The following SLC44A1 variants were observed in gnomAD, a reference collection of about 807,000 sequenced individuals.
The protein encoded by SLC44A1 is choline transporter-like protein 1.
In SLC44A1, 26 loss-of-function variants were observed where a neutral mutation model predicts 79.3. The observed-to-expected ratio is 0.33, with a 90% CI of 0.24 to 0.46. The LOEUF (loss-of-function observed/expected upper bound fraction) is 0.46. Among genes scored for constraint, SLC44A1 ranks in the 20% least tolerant of loss-of-function variants. SLC44A1 has a pLI of 1.00. For synonymous variants in SLC44A1, 263 were observed against 286.2 expected (o/e 0.92, Z 0.82); for missense variants, 688 against 798.1 (o/e 0.86, Z 1.66).
At chr9:105,282,878 A>T (rs975716657) in intron 1 of SLC44A1, among the ~76,000 whole-genome samples, 1 of 152,154 alleles carries the variant, frequency 6.6e-6, no homozygotes, top group East Asian at 1.9e-4. Context: ...GAATTTGCCA[A>T]GAAGGAGGAT....
chr9:105,310,432 T>A (rs1166928277), intron 3 of SLC44A1, among the ~76,000 whole-genome samples: 1 of 152,194 alleles, frequency 6.6e-6, no homozygotes, highest in Non-Finnish European at 1.5e-5. Context: ...AAAAGGGCTA[T>A]CATTTTGTTT....
At chr9:105,322,391 T>C (rs1365489399) in intron 3 of SLC44A1, among the ~76,000 whole-genome samples, 1 of 152,190 alleles carries the variant, frequency 6.6e-6, no homozygotes, top group Non-Finnish European at 1.5e-5. Context: ...CGGAAGTCTG[T>C]TAATGAGTAG....
chr9:105,371,141 G>A (rs1342248660), intron 12 of SLC44A1, among the ~76,000 whole-genome samples: 2 of 152,192 alleles, frequency 1.3e-5, no homozygotes, highest in Admixed American at 6.5e-5. Flanking sequence ...AGTTGTGGAG[G>A]AAGTTACTAA....
At position 105,391,076 on chromosome 9, in the gene SLC44A1, G is replaced by A. The variant is rs1223000924; in HGVS notation, c.*2020G>A. ...ACATTGGGAACTAAATTTAGAATTG[G>A]CAAAAGTCTAGAAGATGGGTATCAA... is the stretch of plus-strand genomic sequence containing the variant. On this transcript the variant is annotated 3_prime_UTR_variant, in exon 16 of 16. Coordinates refer to ENST00000374720, the MANE Select transcript of SLC44A1 (RefSeq NM_080546.5). The A allele has an allele frequency of 2.0e-6, 2 of 985,690 alleles. No individual in the cohort carries two copies. The highest frequency in any genetic ancestry group is 1.1e-4 in the East Asian group (1 of 8,832). 61.1% of individuals were successfully genotyped at this position (985,690 alleles called of 1,614,324 possible). A position where few individuals can be genotyped will look rare whatever the true frequency, so the allele number is the denominator to read the frequency against.
chr9:105,319,245 A>T (rs1826307298), intron 3 of SLC44A1, among the ~76,000 whole-genome samples: 1 of 152,156 alleles, frequency 6.6e-6, no homozygotes, highest in Non-Finnish European at 1.5e-5. Context: ...ATTATTTGCC[A>T]GGAAGACTTG....
At chr9:105,284,345 A>G (rs752749102) in intron 1 of SLC44A1, among the ~76,000 whole-genome samples, 3 of 151,578 alleles carry the variant, frequency 2.0e-5, no homozygotes, top group South Asian at 2.1e-4. Context: ...GATTATAGGC[A>G]TGAGCCACTG....
At chr9:105,246,963 G>C (rs1222639953) in intron 1 of SLC44A1, among the ~76,000 whole-genome samples, 1 of 152,116 alleles carries the variant, frequency 6.6e-6, no homozygotes, top group Non-Finnish European at 1.5e-5. Flanking sequence ...GCACCCAAGG[G>C]GTGCATTTTT....
chr9:105,359,230 G>T (rs1827710561), intron 7 of SLC44A1, among the ~76,000 whole-genome samples: 1 of 152,124 alleles, frequency 6.6e-6, no homozygotes, highest in Non-Finnish European at 1.5e-5. Context: ...GTACAGAACT[G>T]CTAGTAAGGA....
chr9:105,340,673 A>G (rs1197094040), intron 4 of SLC44A1, among the ~76,000 whole-genome samples: 1 of 152,230 alleles, frequency 6.6e-6, no homozygotes, highest in African/African-American at 2.4e-5. Context: ...GAATGAGAAG[A>G]TAATATAAAT....
intron 3 of SLC44A1, among the ~76,000 whole-genome samples, chr9:105,319,796 G>A (rs946954199): frequency 6.6e-6 from 1 of 151,982 alleles, no homozygotes; most frequent in East Asian, 1.9e-4. Flanking sequence ...TACACACTGG[G>A]GCTCATTAAA....
At chr9:105,292,563 T>G (rs1206402541) in intron 1 of SLC44A1, among the ~76,000 whole-genome samples, 3 of 152,170 alleles carry the variant, frequency 2.0e-5, no homozygotes, top group Non-Finnish European at 2.9e-5. Context: ...CAACCAAGAA[T>G]TTTTAGAATG....
intron 2 of SLC44A1, among the ~76,000 whole-genome samples, chr9:105,305,666 C>T (rs1022690622): frequency 2.6e-5 from 4 of 151,882 alleles, no homozygotes; most frequent in Non-Finnish European, 5.9e-5. Flanking sequence ...TCCTTTTTTC[C>T]CTACCTTTTT....
chr9:105,351,530 CTGAAAGAAAGAAAGAAA>C (rs1827405870), intron 5 of SLC44A1, among the ~76,000 whole-genome samples: 9 of 63,892 alleles, frequency 1.4e-4, no homozygotes, highest in Admixed American at 3.0e-4. Flanking sequence ...AAGACCCTGT[CTGAAAGAAAGAAAGAAA>C]GAAAGAAAGA....
At chr9:105,338,849 T>C (rs569129474) in intron 4 of SLC44A1, among the ~76,000 whole-genome samples, 39 of 152,344 alleles carry the variant, frequency 2.6e-4, no homozygotes, top group Non-Finnish European at 5.1e-4. Flanking sequence ...CTCAAATATA[T>C]AGACCTCAAT....
Position 105,392,539 on chromosome 9 carries a change from G to GT in SLC44A1, c.*3484dup. The GT allele has an allele frequency of 1.0e-6, 1 of 984,912 alleles. No homozygotes were observed. The highest frequency in any genetic ancestry group is 1.2e-6 in the Non-Finnish European group (1 of 829,852). The allele number at this position is 984,912 out of a possible 1,614,324, so 61.0% of individuals were successfully genotyped here. Reference sequence around the variant, plus strand: ...TGGGCAGTTTTAGGATTTCACCCTAGTAGGGGGTATGAGGCACTGACCCCT... The same window carrying GT: ...TGGGCAGTTTTAGGATTTCACCCTAGTTAGGGGGTATGAGGCACTGACCCCT... On this transcript the variant is annotated 3_prime_UTR_variant, in exon 16 of 16. Transcript: ENST00000374720.
At chr9:105,371,226 A>G (rs1422382825) in intron 12 of SLC44A1, among the ~76,000 whole-genome samples, 1 of 152,174 alleles carries the variant, frequency 6.6e-6, no homozygotes, top group African/African-American at 2.4e-5. Flanking sequence ...GAGTGAGTAG[A>G]TGAGGTTGAT....
intron 3 of SLC44A1, among the ~76,000 whole-genome samples, chr9:105,323,574 G>T (rs1345710071): frequency 6.6e-6 from 1 of 152,208 alleles, no homozygotes; most frequent in Non-Finnish European, 1.5e-5. Context: ...GTTAACTGTT[G>T]TTTATTATAA....
intron 4 of SLC44A1, among the ~76,000 whole-genome samples, chr9:105,343,095 CATT>C (rs1200396510): frequency 1.3e-5 from 2 of 151,822 alleles, no homozygotes; most frequent in East Asian, 3.9e-4. Context: ...TTACCGTTTC[CATT>C]ATTCTTATCA....
rs548235058 is a variant in SLC44A1 at position 105,313,207 on chromosome 9, TC to T, written c.269+3343del. On this transcript the variant is annotated intron_variant, in intron 3 of 15. Transcript: ENST00000374720. ...AACTAACCTTATCCATAGTGAGCTT[TC>T]CTTTAATTTGATTACCTGAACGTCC... 8.5e-5 allele frequency among the ~76,000 whole-genome samples: 13 copies of T among 152,370 alleles called. No homozygotes were observed. In the South Asian group the frequency reaches 2.7e-3, roughly 32 times the overall value.
Sources: allele counts gnomAD v4.1 joint callset (sites outside exome capture counted in the v4.1 genomes callset), GRCh38; gene constraint gnomAD v4.1.1; transcripts MANE v1.5; gene names NCBI Gene and HGNC (gene_info 2026-07-23, HGNC 2026-07-21).